TSHZ2: variants seen among roughly 807,000 people sequenced by gnomAD.
The protein encoded by TSHZ2 is teashirt zinc finger homeobox 2.
A neutral mutation model predicts 74.4 loss-of-function variants in TSHZ2; 21 were observed. The observed-to-expected ratio is 0.28, with a 90% CI of 0.20 to 0.41. The LOEUF (loss-of-function observed/expected upper bound fraction) is 0.41. Among genes scored for constraint, TSHZ2 ranks in the 10% least tolerant of loss-of-function variants. The pLI is 1.00. For synonymous variants in TSHZ2, 540 were observed against 515.3 expected (o/e 1.05, Z -0.65); for missense variants, 1,244 against 1,293.5 (o/e 0.96, Z 0.59).
chr20:53,141,890 G>A lies in TSHZ2; in HGVS notation c.41-111609G>A, dbSNP rs577179569. ...GAAGTGTTGATGGGAGCCCAACGCT[G>A]AGGTCGCCCTTCCCACAACAGCCAC... On this transcript the variant is annotated intron_variant, in intron 1 of 2. Coordinates refer to ENST00000371497, the MANE Select transcript of TSHZ2 (RefSeq NM_173485.6). 7.9e-5 allele frequency among the ~76,000 whole-genome samples: 12 copies of A among 152,354 alleles called. No homozygotes were observed. The South Asian group carries it at 2.3e-3, about 29-fold the overall frequency.
At chr20:53,347,619 T>C (rs913583811) in intron 2 of TSHZ2, among the ~76,000 whole-genome samples, 1 of 130,270 alleles carries the variant, frequency 7.7e-6, no homozygotes, top group Non-Finnish European at 1.6e-5. Context: ...GCTGAGATGT[T>C]GTCCATCTTT....
intron 2 of TSHZ2, among the ~76,000 whole-genome samples, chr20:53,468,231 T>A (rs1475411868): frequency 6.6e-6 from 1 of 152,226 alleles, no homozygotes; most frequent in African/African-American, 2.4e-5. Context: ...TAATTAGGGA[T>A]AACTGTTCAG....
intron 2 of TSHZ2, among the ~76,000 whole-genome samples, chr20:53,326,379 A>G (rs777670209): frequency 2.6e-5 from 4 of 152,232 alleles, no homozygotes; most frequent in Non-Finnish European, 4.4e-5. Flanking sequence ...CTATTAATAG[A>G]TAAGACATCT....
intron 2 of TSHZ2, among the ~76,000 whole-genome samples, chr20:53,258,846 G>A (rs1373959086): frequency 6.6e-6 from 1 of 152,202 alleles, no homozygotes; most frequent in Non-Finnish European, 1.5e-5. Context: ...CTGTGGTTCT[G>A]AGAGGATTGC....
At chr20:53,025,698 C>T (rs1191590859) in intron 1 of TSHZ2, among the ~76,000 whole-genome samples, 6 of 152,200 alleles carry the variant, frequency 3.9e-5, no homozygotes, top group Non-Finnish European at 1.5e-5. Context: ...AAAGAAAACA[C>T]AAATAGATAT....
chr20:53,272,884 T>C (rs1204414361), intron 2 of TSHZ2, among the ~76,000 whole-genome samples: 1 of 152,130 alleles, frequency 6.6e-6, no homozygotes, highest in Non-Finnish European at 1.5e-5. Flanking sequence ...CTAACATCTA[T>C]TGAGCACATA....
chr20:53,203,213 G>C (rs1373865602), intron 1 of TSHZ2, among the ~76,000 whole-genome samples: 1 of 60,664 alleles, frequency 1.6e-5, no homozygotes. Flanking sequence ...TTTTTTTTTT[G>C]AGACGGAGTC....
chr20:53,483,484 G>A lies in TSHZ2; in HGVS notation c.*9-3660G>A, dbSNP rs549154551. On this transcript the variant is annotated intron_variant, in intron 2 of 2. Coordinates refer to ENST00000371497, the MANE Select transcript of TSHZ2 (RefSeq NM_173485.6). ...TGTGATTGCACCACTGCACTCTAGC[G>A]TGGGTGACAGAACAAAACCCTGTCC... Among the ~76,000 whole-genome samples, 5 of 152,170 alleles carry A rather than the reference G, an allele frequency of 3.3e-5. No individual in the cohort carries two copies. The South Asian group carries it at 6.2e-4, about 19-fold the overall frequency.
intron 2 of TSHZ2, among the ~76,000 whole-genome samples, chr20:53,286,390 GA>G (rs1991167065): frequency 6.6e-6 from 1 of 152,236 alleles, no homozygotes; most frequent in South Asian, 2.1e-4. Flanking sequence ...ATGAGGAAAA[GA>G]GTTCTCAAGA....
intron 2 of TSHZ2, among the ~76,000 whole-genome samples, chr20:53,406,816 G>A (rs1391795870): frequency 6.6e-6 from 1 of 152,124 alleles, no homozygotes; most frequent in Non-Finnish European, 1.5e-5. Flanking sequence ...GGGAGAGACA[G>A]GTACTTTAGA....
intron 2 of TSHZ2, among the ~76,000 whole-genome samples, chr20:53,287,649 G>T (rs769640148): frequency 5.3e-5 from 8 of 152,140 alleles, no homozygotes; most frequent in Non-Finnish European, 1.2e-4. Flanking sequence ...ATTGGAAAAA[G>T]CTTGGGAAAT....
intron 2 of TSHZ2, among the ~76,000 whole-genome samples, chr20:53,347,594 C>T (rs1484891334): frequency 6.6e-6 from 1 of 151,634 alleles, no homozygotes; most frequent in East Asian, 1.9e-4. Context: ...CTCAATAAAC[C>T]ATAAGCTACA....
intron 2 of TSHZ2, among the ~76,000 whole-genome samples, chr20:53,279,888 A>G (rs574097060): frequency 6.6e-6 from 1 of 152,320 alleles, no homozygotes; most frequent in African/African-American, 2.4e-5. Flanking sequence ...AATGAGAAGA[A>G]GAGGATTTCA....
In TSHZ2 at chr20:53,319,557, T is replaced by A. The variant is rs914710769; in HGVS notation, c.*8+62986T>A. On this transcript the variant is annotated intron_variant, in intron 2 of 2. Transcript: ENST00000371497. Reference sequence around the variant, plus strand: ...ACAGAATGACCCAGGAAGCCCCCTCTGAGCAGTGACATTTGGGCTGTACCC... The same window carrying A: ...ACAGAATGACCCAGGAAGCCCCCTCAGAGCAGTGACATTTGGGCTGTACCC... 2.4e-4 allele frequency among the ~76,000 whole-genome samples: 36 copies of A among 152,328 alleles called. 1 individual carries two copies. The highest frequency in any genetic ancestry group is 8.7e-4 in the African/African-American group (36 of 41,574).
chr20:53,042,062 A>C (rs1600661730), intron 1 of TSHZ2, among the ~76,000 whole-genome samples: 1 of 152,296 alleles, frequency 6.6e-6, no homozygotes, highest in African/African-American at 2.4e-5. Flanking sequence ...GAAAAAAAAA[A>C]CATATGCCCA....
At chr20:53,298,530 T>A (rs1991423934) in intron 2 of TSHZ2, among the ~76,000 whole-genome samples, 1 of 152,164 alleles carries the variant, frequency 6.6e-6, no homozygotes, top group Non-Finnish European at 1.5e-5. Context: ...CAAAAGGATG[T>A]TTCACATACG....
chr20:53,093,495 G>A (rs910361182), intron 1 of TSHZ2, among the ~76,000 whole-genome samples: 4 of 152,140 alleles, frequency 2.6e-5, no homozygotes, highest in Admixed American at 6.5e-5. Flanking sequence ...CTTCACTCTC[G>A]CTGGGTGGGC....
In TSHZ2 at chr20:52,973,345, G is replaced by C; in HGVS notation, c.40+12G>C. ...CAAGCGGGCGGCAGGTAAGAGAAAC[G>C]GCTCCGCTTCGGGGCTGCCCTGTGC... On this transcript the variant is annotated intron_variant, in intron 1 of 2. Coordinates refer to ENST00000371497, the MANE Select transcript of TSHZ2 (RefSeq NM_173485.6). The C allele has an allele frequency of 1.3e-6, 2 of 1,551,400 alleles. No individual in the cohort carries two copies. Among genetic ancestry groups the C allele is most frequent in the South Asian group, 1.2e-5 (1 of 84,034 alleles).
chr20:53,073,650 G>A (rs965177098), intron 1 of TSHZ2, among the ~76,000 whole-genome samples: 3 of 152,256 alleles, frequency 2.0e-5, no homozygotes, highest in African/African-American at 7.2e-5. Flanking sequence ...TTAAAAGGAA[G>A]GGGATGATAC....
Sources: allele counts gnomAD v4.1 joint callset (sites outside exome capture counted in the v4.1 genomes callset), GRCh38; gene constraint gnomAD v4.1.1; transcripts MANE v1.5; gene names NCBI Gene and HGNC (gene_info 2026-07-23, HGNC 2026-07-21).